The following PDZRN4 variants were observed in gnomAD, a reference collection of about 807,000 sequenced individuals.
PDZRN4 encodes PDZ domain containing ring finger 4.
In PDZRN4, 70 loss-of-function variants were observed where a neutral mutation model predicts 99.0. The ratio of observed to expected loss-of-function variants is 0.71; its 90% CI spans 0.58 to 0.86. The LOEUF (loss-of-function observed/expected upper bound fraction) is 0.86, where lower values mean the gene tolerates loss of function less well. PDZRN4 is among the 40% of genes least tolerant of loss of function. The probability of loss-of-function intolerance (pLI) is 0.00; values close to 1 mark genes in which losing one functional copy is unlikely to be tolerated. For missense variants in PDZRN4, 1,474 were observed against 1,331.2 expected, an observed-to-expected ratio of 1.11 and a Z score of -1.67; for synonymous variants, 551 against 501.6, an observed-to-expected ratio of 1.10 and a Z score of -1.32.
intron 3 of PDZRN4, among the ~76,000 whole-genome samples, chr12:41,462,004 C>T (rs1230990059): frequency 6.6e-6 from 1 of 152,154 alleles, no homozygotes; most frequent in African/African-American, 2.4e-5. Context: ...TCACATTGTG[C>T]TCCCAAGGGT....
At chr12:41,442,757 A>C (rs1031272770) in intron 3 of PDZRN4, among the ~76,000 whole-genome samples, 1 of 152,116 alleles carries the variant, frequency 6.6e-6, no homozygotes, top group Non-Finnish European at 1.5e-5. Context: ...GGTACAAAGG[A>C]ATGTTGGTGG....
At chr12:41,482,088 T>A (rs1937681934) in intron 3 of PDZRN4, among the ~76,000 whole-genome samples, 1 of 152,182 alleles carries the variant, frequency 6.6e-6, no homozygotes, top group Non-Finnish European at 1.5e-5. Flanking sequence ...TGTTCCTAGC[T>A]TGGATCAGTG....
intron 3 of PDZRN4, among the ~76,000 whole-genome samples, chr12:41,232,586 G>A (rs1006074502): frequency 2.0e-5 from 3 of 152,066 alleles, no homozygotes; most frequent in African/African-American, 4.8e-5. Context: ...TTTGTCAGAT[G>A]AGTAGGTTGC....
rs559763667 is a variant in PDZRN4 at position 41,573,782 on chromosome 12, G to C, written c.3003G>C (p.Lys1001Asn). The C allele has an allele frequency of 1.9e-6, 3 of 1,613,780 alleles. No individual in the cohort carries two copies. Among genetic ancestry groups the C allele is most frequent in the Admixed American group, 3.3e-5 (2 of 59,960 alleles). The change falls in exon 10 of 10, where the codon AAG becomes AAC. Residue 1001 changes from lysine to asparagine, a missense_variant. Physicochemically the swap from Lys to Asn is moderately conservative, Grantham distance 94. Coordinates refer to ENST00000402685, the MANE Select transcript of PDZRN4 (RefSeq NM_001164595.2). ...SHKKMMKKRN[K>N]KILDNWMTIQ... ...AAAAGATGATGAAAAAGAGAAACAA[G>C]AAAATTTTGGACAACTGGATGACAA...
chr12:41,570,602 GTCT>G (rs1228138022), intron 9 of PDZRN4, among the ~76,000 whole-genome samples: 2 of 151,982 alleles, frequency 1.3e-5, no homozygotes, highest in African/African-American at 4.8e-5. Flanking sequence ...AAAATTACTA[GTCT>G]TCTTGTATTT....
chr12:41,257,924 T>C (rs1041464757), intron 3 of PDZRN4, among the ~76,000 whole-genome samples: 1 of 152,242 alleles, frequency 6.6e-6, no homozygotes, highest in Admixed American at 6.5e-5. Flanking sequence ...TCAGCACTTA[T>C]GTACCTCTGC....
chr12:41,333,034 C>A (rs1565554402), intron 3 of PDZRN4, among the ~76,000 whole-genome samples: 1 of 152,156 alleles, frequency 6.6e-6, no homozygotes, highest in Non-Finnish European at 1.5e-5. Context: ...CAAAGTCACA[C>A]ATGCTAGTGA....
intron 3 of PDZRN4, among the ~76,000 whole-genome samples, chr12:41,360,485 G>A (rs1298707342): frequency 6.6e-6 from 1 of 151,932 alleles, no homozygotes; most frequent in Non-Finnish European, 1.5e-5. Flanking sequence ...CAGCATATTT[G>A]GGGTGAGTCT....
At chr12:41,505,723 T>A (rs987999260) in intron 3 of PDZRN4, among the ~76,000 whole-genome samples, 1 of 149,722 alleles carries the variant, frequency 6.7e-6, no homozygotes, top group African/African-American at 2.4e-5. Context: ...TGGAGAGTCA[T>A]GAATTGGTAG....
intron 3 of PDZRN4, among the ~76,000 whole-genome samples, chr12:41,428,397 G>A (rs1458165): frequency 0.44 from 67,158 of 151,910 alleles, 15,198 homozygotes; most frequent in African/African-American, 0.55. Context: ...CATGAGATCT[G>A]GGACCTTTAT....
intron 5 of PDZRN4, among the ~76,000 whole-genome samples, chr12:41,541,157 C>T (rs915037008): frequency 3.3e-5 from 5 of 152,016 alleles, no homozygotes; most frequent in African/African-American, 1.2e-4. Context: ...GTCTTGATCT[C>T]CTGACCTCAT....
intron 3 of PDZRN4, among the ~76,000 whole-genome samples, chr12:41,462,314 A>G (rs1952880501): frequency 6.6e-6 from 1 of 152,234 alleles, no homozygotes; most frequent in African/African-American, 2.4e-5. Context: ...GAGTCATTCA[A>G]GTGCTGAGCA....
intron 3 of PDZRN4, among the ~76,000 whole-genome samples, chr12:41,205,320 T>A (rs1950841412): frequency 6.6e-6 from 1 of 151,946 alleles, no homozygotes; most frequent in African/African-American, 2.4e-5. Context: ...AGATCATTTA[T>A]GAATGCAAAT....
intron 3 of PDZRN4, among the ~76,000 whole-genome samples, chr12:41,309,989 G>C (rs933126009): frequency 5.9e-5 from 9 of 151,892 alleles, no homozygotes; most frequent in African/African-American, 2.2e-4. Context: ...CTGGAGTGCA[G>C]TGGTGTGATC....
intron 5 of PDZRN4, among the ~76,000 whole-genome samples, chr12:41,511,567 T>C (rs1938304550): frequency 6.6e-6 from 1 of 151,934 alleles, no homozygotes; most frequent in Admixed American, 6.6e-5. Context: ...AAGGAAGGAG[T>C]TGCTATGACA....
intron 3 of PDZRN4, among the ~76,000 whole-genome samples, chr12:41,410,670 G>A (rs766677520): frequency 6.4e-4 from 98 of 152,222 alleles, no homozygotes; most frequent in Admixed American, 1.3e-3. Context: ...TGATTTAATT[G>A]GGAATCCCAC....
intron 5 of PDZRN4, among the ~76,000 whole-genome samples, chr12:41,520,039 T>C (rs1938467965): frequency 6.6e-6 from 1 of 152,102 alleles, no homozygotes; most frequent in Admixed American, 6.6e-5. Context: ...TTTTCTTGGT[T>C]TTTTGTTTTT....
At chr12:41,359,806 A>G (rs1048016894) in intron 3 of PDZRN4, among the ~76,000 whole-genome samples, 1 of 152,004 alleles carries the variant, frequency 6.6e-6, no homozygotes, top group Non-Finnish European at 1.5e-5. Context: ...CAGCGTGAGA[A>G]CGGACTTATA....
chr12:41,201,313 A>G (rs572521862), intron 3 of PDZRN4, among the ~76,000 whole-genome samples: 2 of 152,088 alleles, frequency 1.3e-5, no homozygotes, highest in South Asian at 2.1e-4. Flanking sequence ...GTATCCTCAA[A>G]TATCCTCTAC....
Sources: allele counts gnomAD v4.1 joint callset (sites outside exome capture counted in the v4.1 genomes callset), GRCh38; gene constraint gnomAD v4.1.1; transcripts MANE v1.5; gene names NCBI Gene and HGNC (gene_info 2026-07-23, HGNC 2026-07-21).